Variants in ATF6 observed in about 807,000 individuals in gnomAD.
ATF6 encodes the protein activating transcription factor 6, also known as cyclic AMP-dependent transcription factor ATF-6 alpha.
In ATF6, 53 loss-of-function variants were observed where a neutral mutation model predicts 83.6. The ratio of observed to expected loss-of-function variants is 0.63; its 90% CI spans 0.51 to 0.80. ATF6 has a LOEUF of 0.80. Ranked by LOEUF, ATF6 falls within the 30% of genes least tolerant of loss-of-function variation. ATF6 has a pLI of 0.00. For missense variants in ATF6, 744 were observed against 797.9 expected, an observed-to-expected ratio of 0.93 and a Z score of 0.81; for synonymous variants, 288 against 285.8, an observed-to-expected ratio of 1.01 and a Z score of -0.08.
At chr1:161,901,415 T>G (rs1687783256) in intron 14 of ATF6, among the ~76,000 whole-genome samples, 1 of 151,512 alleles carries the variant, frequency 6.6e-6, no homozygotes, top group African/African-American at 2.4e-5. Flanking sequence ...GTTTAAAATA[T>G]TTAATGTTTT....
chr1:161,905,821 GTTTTGTT>G (rs565757447), intron 14 of ATF6, among the ~76,000 whole-genome samples: 6 of 151,622 alleles, frequency 4.0e-5, no homozygotes, highest in Non-Finnish European at 8.8e-5. Flanking sequence ...TGTTGTTGTT[GTTTTGTT>G]TTTTGTTTTT....
rs1686487831 is a variant in ATF6, at chr1:161,846,431, C to G, written c.1188-18C>G. On this transcript the variant is annotated intron_variant, in intron 9 of 15. Transcript: ENST00000367942. ...CATATTTTTATTTCAGCTATTATTT[C>G]CTGTTTTTTATTTTCAGCATGTTGG... The G allele has an allele frequency of 6.3e-7, 1 of 1,592,914 alleles. No individual in the cohort carries two copies. The highest frequency in any genetic ancestry group is 1.1e-5 in the South Asian group (1 of 88,306).
intron 7 of ATF6, among the ~76,000 whole-genome samples, chr1:161,811,973 A>G (rs1291921778): frequency 4.6e-5 from 7 of 152,172 alleles, no homozygotes; most frequent in Non-Finnish European, 8.8e-5. Flanking sequence ...CAGTCGACCA[A>G]ATATTTACTG....
intron 15 of ATF6, among the ~76,000 whole-genome samples, chr1:161,940,106 T>G (rs1049148176): frequency 6.6e-6 from 1 of 152,198 alleles, no homozygotes; most frequent in African/African-American, 2.4e-5. Flanking sequence ...CTACCCATCT[T>G]AGGTCTCCCA....
intron 4 of ATF6, among the ~76,000 whole-genome samples, chr1:161,790,521 C>T (rs1684850657): frequency 6.6e-6 from 1 of 151,974 alleles, no homozygotes; most frequent in Non-Finnish European, 1.5e-5. Context: ...AAGAAAATAG[C>T]ACTGTTGGCT....
chr1:161,894,597 C>T (rs1246422477), intron 14 of ATF6, among the ~76,000 whole-genome samples: 8 of 115,652 alleles, frequency 6.9e-5, no homozygotes, highest in Non-Finnish European at 9.8e-5. Context: ...AGTGTAGTGG[C>T]GTGATCTTGG....
At chr1:161,875,637 T>G (rs1448488722) in intron 14 of ATF6, among the ~76,000 whole-genome samples, 3 of 151,812 alleles carry the variant, frequency 2.0e-5, no homozygotes, top group Non-Finnish European at 4.4e-5. Flanking sequence ...AAGTGGTAGA[T>G]TCACTAATTT....
At chr1:161,911,433 C>T (rs1687989972) in intron 14 of ATF6, among the ~76,000 whole-genome samples, 1 of 152,228 alleles carries the variant, frequency 6.6e-6, no homozygotes, top group African/African-American at 2.4e-5. Flanking sequence ...AACACTTATA[C>T]TCTGCCTTTT....
chr1:161,796,422 T>C (rs958687091), intron 6 of ATF6, among the ~76,000 whole-genome samples: 10 of 152,234 alleles, frequency 6.6e-5, no homozygotes, highest in African/African-American at 2.4e-4. Context: ...AGTATTGGTT[T>C]AAGTCAGTGG....
intron 14 of ATF6, among the ~76,000 whole-genome samples, chr1:161,864,763 C>G (rs548939485): frequency 7.2e-5 from 11 of 152,308 alleles, no homozygotes; most frequent in Admixed American, 4.6e-4. Flanking sequence ...AGTTTCTTTT[C>G]AGCAGCAAGG....
chr1:161,866,934 G>T (rs2101843495), intron 14 of ATF6, among the ~76,000 whole-genome samples: 1 of 152,158 alleles, frequency 6.6e-6, no homozygotes, highest in East Asian at 1.9e-4. Context: ...ATTTTTTGTA[G>T]AGATGGGGTC....
intron 12 of ATF6, among the ~76,000 whole-genome samples, chr1:161,856,609 TA>T (rs956162773): frequency 6.6e-6 from 1 of 152,192 alleles, no homozygotes; most frequent in African/African-American, 2.4e-5. Context: ...CATCCTTTGC[TA>T]CACAGAGGAA....
At chr1:161,770,946 C>T (rs1389944161) in intron 1 of ATF6, among the ~76,000 whole-genome samples, 2 of 152,148 alleles carry the variant, frequency 1.3e-5, no homozygotes, top group African/African-American at 2.4e-5. Flanking sequence ...TTTGCATTCC[C>T]GCTAGCAATG....
intron 15 of ATF6, among the ~76,000 whole-genome samples, chr1:161,950,867 T>C (rs1435521926): frequency 6.6e-6 from 1 of 152,224 alleles, no homozygotes; most frequent in Non-Finnish European, 1.5e-5. Context: ...TGTTAGTCAT[T>C]TTCTTTTTAA....
chr1:161,926,092 G>A (rs1220270058), intron 15 of ATF6, among the ~76,000 whole-genome samples: 1 of 152,032 alleles, frequency 6.6e-6, no homozygotes, highest in Non-Finnish European at 1.5e-5. Context: ...CAGGGAAGAG[G>A]CACAAACAGA....
chr1:161,767,121 A>T (rs972702281), intron 1 of ATF6, among the ~76,000 whole-genome samples: 4 of 152,188 alleles, frequency 2.6e-5, no homozygotes, highest in Non-Finnish European at 5.9e-5. Context: ...TTATCTAAGT[A>T]TTTAGAGGAG....
chr1:161,773,074 T>C (rs960139451), intron 1 of ATF6, among the ~76,000 whole-genome samples: 1 of 150,822 alleles, frequency 6.6e-6, no homozygotes, highest in African/African-American at 2.4e-5. Context: ...TTCAAGCGAT[T>C]CCCGCCTCAG....
chr1:161,910,486 A>G (rs1687968360), intron 14 of ATF6, among the ~76,000 whole-genome samples: 1 of 152,228 alleles, frequency 6.6e-6, no homozygotes, highest in Admixed American at 6.5e-5. Context: ...GAAAAGAAAA[A>G]GTAGGAGACA....
intron 14 of ATF6, among the ~76,000 whole-genome samples, chr1:161,875,636 A>G (rs763241176): frequency 5.9e-5 from 9 of 151,790 alleles, no homozygotes; most frequent in Non-Finnish European, 1.3e-4. Context: ...GAAGTGGTAG[A>G]TTCACTAATT....
Sources: allele counts gnomAD v4.1 joint callset (sites outside exome capture counted in the v4.1 genomes callset), GRCh38; gene constraint gnomAD v4.1.1; transcripts MANE v1.5; gene names NCBI Gene and HGNC (gene_info 2026-07-23, HGNC 2026-07-21).